Variants in SVIL observed in about 807,000 individuals in gnomAD.
SVIL encodes supervillin, also known as archvillin.
In SVIL, 101 loss-of-function variants were observed where a neutral mutation model predicts 240.4. That is an observed-to-expected ratio of 0.42 (90% CI 0.36 to 0.50). The LOEUF is 0.50. SVIL is among the 20% of genes least tolerant of loss of function. The pLI is 0.01. For missense variants in SVIL, 2,512 were observed against 2,818.7 expected (o/e 0.89, Z 2.46); for synonymous variants, 999 against 1,100.0 (o/e 0.91, Z 1.82).
chr10:29,524,479 A>G lies in SVIL; in HGVS notation c.2579T>C (p.Val860Ala), dbSNP rs1172979738. The G allele has an allele frequency of 3.7e-6, 6 of 1,613,970 alleles. No individual in the cohort carries two copies. Among genetic ancestry groups the G allele is most frequent in the Non-Finnish European group, 5.1e-6 (6 of 1,179,974 alleles). Residue 860 changes from valine (V) to alanine (A), a missense_variant, in exon 14 of 38, where the codon GTG (valine) becomes GCG (alanine). Val to Ala is a moderately conservative substitution (Grantham distance 64). Coordinates refer to ENST00000355867, the MANE Select transcript of SVIL (RefSeq NM_021738.3). The stretch of plus-strand genomic sequence containing the variant: ...GGACTATAGCACACCCACCTGCTCC[A>G]CCTCTCCCAGTGTGACTGGCTGAGT... ...YQTQPVTLGE[V>A]EQVQSGKLIP... is the part of the protein sequence containing the mutation.
intron 27 of SVIL, chr10:29,483,655 T>C (rs1294615134): frequency 6.6e-6 from 1 of 152,234 alleles, no homozygotes; most frequent in African/African-American, 2.4e-5. Context: ...TTTCCTTTGC[T>C]ATACCAAATA....
At chr10:29,494,769 A>G (rs1948275896) in intron 20 of SVIL, 145 bp downstream of exon 20, 1 of 759,554 alleles carries the variant, frequency 1.3e-6, no homozygotes, top group Non-Finnish European at 2.2e-6. Context: ...GGGAGTCCCC[A>G]ATTTAGTACG....
chr10:29,482,655 G>C (rs1222949477), intron 27 of SVIL, among the ~76,000 whole-genome samples: 2 of 152,258 alleles, frequency 1.3e-5, no homozygotes, highest in Non-Finnish European at 2.9e-5. Context: ...GGAGAGCACA[G>C]AGAGATAGGA....
At position 29,483,421 on chromosome 10, in the gene SVIL, T is replaced by G. The variant is rs149157087; in HGVS notation, c.4955+1235A>C. 302 of 152,296 alleles carry G rather than the reference T, an allele frequency of 2.0e-3. 1 individual carries two copies. Among genetic ancestry groups the G allele is most frequent in the African/African-American group, 7.0e-3 (290 of 41,552 alleles). 9.4% of individuals were successfully genotyped at this position (152,296 alleles called of 1,614,324 possible). A position where few individuals can be genotyped will look rare whatever the true frequency, so the allele number is the denominator to read the frequency against. On this transcript the variant is annotated intron_variant, in intron 27 of 37. Coordinates refer to ENST00000355867, the MANE Select transcript of SVIL (RefSeq NM_021738.3). ...GCATCTTAAAATCCCTAGGAGCTTTTAAGACATATTGACACATAAGCTCTA... is the reference window on the plus strand; with the variant it reads ...GCATCTTAAAATCCCTAGGAGCTTTGAAGACATATTGACACATAAGCTCTA...
intron 18 of SVIL, among the ~76,000 whole-genome samples, 188 bp downstream of exon 18, chr10:29,498,928 C>T (rs372704670): frequency 5.1e-4 from 77 of 152,332 alleles, no homozygotes; most frequent in African/African-American, 1.9e-3. Context: ...CTGCAGTGAG[C>T]CATGACTGAG....
Position 29,573,672 on chromosome 10 carries a change from A to G in SVIL, c.-200-4360T>C, listed in dbSNP as rs142336761. Among the ~76,000 whole-genome samples the G allele has an allele frequency of 2.8e-3, 422 of 151,700 alleles. 2 individuals are homozygous for G. Among genetic ancestry groups the G allele is most frequent in the African/African-American group, 9.8e-3 (404 of 41,362 alleles). On this transcript the variant is annotated intron_variant, in intron 1 of 37. Coordinates refer to ENST00000355867, the MANE Select transcript of SVIL (RefSeq NM_021738.3). The stretch of plus-strand genomic sequence containing the variant: ...TCCTCACGTCATTCTGTAGGTTAAC[A>G]TATTTATTTGCAGAGAAATTCTAAG...
chr10:29,519,443 T>A (rs1950427783), intron 16 of SVIL, among the ~76,000 whole-genome samples: 1 of 152,172 alleles, frequency 6.6e-6, no homozygotes, highest in Non-Finnish European at 1.5e-5. Context: ...TTTTATATAT[T>A]TCTTTCTCAA....
intron 1 of SVIL, among the ~76,000 whole-genome samples, chr10:29,707,606 C>T (rs1429684654): frequency 6.6e-6 from 1 of 152,086 alleles, no homozygotes; most frequent in East Asian, 1.9e-4. Context: ...GTAATAGTGA[C>T]AGCAGTAGCA....
intron 6 of SVIL, among the ~76,000 whole-genome samples, chr10:29,539,962 T>C (rs1952022531): frequency 6.6e-6 from 1 of 152,074 alleles, no homozygotes; most frequent in Admixed American, 6.6e-5. Context: ...TTCTCTTGGG[T>C]ACCTTCAAAA....
At chr10:29,605,516 C>T (rs34798142) in intron 1 of SVIL, among the ~76,000 whole-genome samples, 43,535 of 151,752 alleles carry the variant, frequency 0.29, 6,590 homozygotes, top group Admixed American at 0.32. Flanking sequence ...TTCCTTTTCC[C>T]TTTTTTGTGA....
Position 29,457,750 on chromosome 10 carries a change from A to C in SVIL, c.*497T>G, listed in dbSNP as rs1175980149. On this transcript the variant is annotated 3_prime_UTR_variant, in exon 38 of 38. Coordinates refer to ENST00000355867, the MANE Select transcript of SVIL (RefSeq NM_021738.3). ...ATTGGTGGCAGAGCTAATTCAACAG[A>C]AGCAACTCCATCTACCTTTTCATGT... 1 of 152,668 alleles carries C rather than the reference A, an allele frequency of 6.6e-6. No individual in the cohort carries two copies. Among genetic ancestry groups the C allele is most frequent in the Non-Finnish European group, 1.5e-5 (1 of 68,072 alleles). The allele number at this position is 152,668 out of a possible 1,614,324, so 9.5% of individuals were successfully genotyped here.
At chr10:29,590,511 G>A (rs533812231) in intron 1 of SVIL, among the ~76,000 whole-genome samples, 1 of 152,274 alleles carries the variant, frequency 6.6e-6, no homozygotes, top group East Asian at 1.9e-4. Context: ...GAAAAAAAGA[G>A]TATTTGTTCA....
chr10:29,587,977 C>T (rs1328164120), intron 1 of SVIL, among the ~76,000 whole-genome samples: 1 of 152,182 alleles, frequency 6.6e-6, no homozygotes, highest in African/African-American at 2.4e-5. Flanking sequence ...TCTCCCCCAC[C>T]CTGGCCCCTG....
At chr10:29,563,808 G>A (rs1197186226) in intron 2 of SVIL, among the ~76,000 whole-genome samples, 1 of 152,206 alleles carries the variant, frequency 6.6e-6, no homozygotes, top group Admixed American at 6.5e-5. Context: ...TGGAATAAAA[G>A]AGGAAATGAA....
At chr10:29,664,703 C>CAA (rs1443442983) in intron 2 of SVIL, among the ~76,000 whole-genome samples, 1 of 151,944 alleles carries the variant, frequency 6.6e-6, no homozygotes, top group African/African-American at 2.4e-5. Context: ...CACACACACA[C>CAA]ACACATGCAC....
chr10:29,659,985 T>C (rs1046747656), intron 2 of SVIL, among the ~76,000 whole-genome samples: 3 of 152,158 alleles, frequency 2.0e-5, no homozygotes, highest in Middle Eastern at 3.4e-3. Context: ...GACCCTCTTA[T>C]TGAACCAGCC....
chr10:29,586,404 C>A (rs1209068036), intron 1 of SVIL, among the ~76,000 whole-genome samples: 1 of 152,030 alleles, frequency 6.6e-6, no homozygotes, highest in African/African-American at 2.4e-5. Context: ...AGTGATTGCC[C>A]ACTAAGCCCT....
chr10:29,574,791 A>G (rs973843575), intron 1 of SVIL, among the ~76,000 whole-genome samples: 14 of 152,146 alleles, frequency 9.2e-5, no homozygotes, highest in African/African-American at 3.1e-4. Context: ...GTCGCTGGTA[A>G]AGGGGCCAGC....
At chr10:29,590,850 C>T (rs1956362839) in intron 1 of SVIL, among the ~76,000 whole-genome samples, 1 of 152,174 alleles carries the variant, frequency 6.6e-6, no homozygotes, top group Non-Finnish European at 1.5e-5. Context: ...TCCTGAACTG[C>T]ACTATACCTC....
Sources: allele counts gnomAD v4.1 joint callset (sites outside exome capture counted in the v4.1 genomes callset), GRCh38; gene constraint gnomAD v4.1.1; transcripts MANE v1.5; gene names NCBI Gene and HGNC (gene_info 2026-07-23, HGNC 2026-07-21).